Variants in SNED1 observed in about 807,000 individuals in gnomAD.
SNED1 encodes sushi, nidogen and EGF like domains 1, also known as sushi, nidogen and EGF-like domain-containing protein 1.
In SNED1, 81 loss-of-function variants were observed where a neutral mutation model predicts 166.7. That is an observed-to-expected ratio of 0.49 (90% CI 0.41 to 0.58). SNED1 has a LOEUF of 0.58. Among genes scored for constraint, SNED1 ranks in the 20% least tolerant of loss-of-function variants. The pLI is 0.00. For synonymous variants in SNED1, 762 were observed against 822.0 expected, an observed-to-expected ratio of 0.93 and a Z score of 1.25; for missense variants, 1,604 against 2,000.2, an observed-to-expected ratio of 0.80 and a Z score of 3.78.
chr2:241,049,874 A>T lies in SNED1; in HGVS notation c.1676A>T (p.His559Leu). Reference protein sequence around the residue: ...PCFNGGSCDAHDDSYTCECPR... With the variant: ...PCFNGGSCDALDDSYTCECPR... ...TTCAACGGAGGCTCCTGCGATGCCC[A>T]TGACGACTCCTACACCTGCGAGTGC... Residue 559 changes from histidine to leucine, a missense_variant, in exon 12 of 32, where the codon CAT becomes CTT. Around this residue, in one of 2 missense-constraint regions of SNED1, gnomAD observed 1,237 missense variants for 1,620.8 expected, o/e 0.76. Coordinates refer to ENST00000310397, the MANE Select transcript of SNED1 (RefSeq NM_001080437.3). 1 of 1,613,846 alleles carries T rather than the reference A, an allele frequency of 6.2e-7. No homozygotes were observed. Among genetic ancestry groups the T allele is most frequent in the Non-Finnish European group, 8.5e-7 (1 of 1,179,778 alleles).
At chr2:241,071,414 TG>T in intron 24 of SNED1, 161 bp from the exon 25 acceptor site, 1 of 758,188 alleles carries the variant, frequency 1.3e-6, no homozygotes, top group Non-Finnish European at 2.1e-6. Context: ...CCAGGGCATC[TG>T]GGGAAGCCAC....
At chr2:241,087,739 G>A in intron 30 of SNED1, 1 of 1,290,088 alleles carries the variant, frequency 7.8e-7, no homozygotes, top group Non-Finnish European at 9.9e-7. Context: ...CACAGAACAT[G>A]GTGCTACAAT....
chr2:241,011,295 G>A (rs2060393441), intron 1 of SNED1, among the ~76,000 whole-genome samples: 2 of 151,454 alleles, frequency 1.3e-5, no homozygotes, highest in Admixed American at 6.6e-5. Context: ...GTTTCCTGGG[G>A]GTGGCAGGTC....
intron 11 of SNED1, among the ~76,000 whole-genome samples, chr2:241,049,546 T>C (rs1332365939): frequency 2.6e-5 from 4 of 152,220 alleles, no homozygotes; most frequent in Non-Finnish European, 4.4e-5. Context: ...CTGGCAGTGA[T>C]GACAGGAAGG....
Position 241,049,817 on chromosome 2 carries a change from C to A in SNED1, c.1619C>A (p.Ser540Tyr). The change falls in exon 12 of 32, where the codon TCC (serine) becomes TAC (tyrosine). Residue 540 changes from serine (S) to tyrosine (Y), a missense_variant and splice_region_variant. This residue lies in a region of SNED1 where 1,237 missense variants were observed against 1,620.8 expected (regional missense o/e 0.76). Transcript: ENST00000310397. ...VCHTDHNASH[S>Y]LPSPCDSDPC... ...ACCACCCTCTGTCCCCCGCCCCCAG[C>A]CCTGCCATCACCCTGCGACTCGGAC... 2 of 1,612,784 alleles carry A rather than the reference C, an allele frequency of 1.2e-6. No homozygotes were observed. Among genetic ancestry groups the A allele is most frequent in the Non-Finnish European group, 1.7e-6 (2 of 1,178,982 alleles).
chr2:241,052,345 A>G lies in SNED1; in HGVS notation c.1970-10A>G, dbSNP rs375947031. 407 of 1,566,622 alleles carry G rather than the reference A, an allele frequency of 2.6e-4. 3 individuals are homozygous for G. In the African/African-American group the frequency reaches 4.7e-3, roughly 18 times the overall value. On this transcript the variant is annotated splice_polypyrimidine_tract_variant and intron_variant, in intron 14 of 31. Transcript: ENST00000310397. ...GACACAGTGGCCAGGACCTTCCTGC[A>G]TTCTGGCAGCCCCCTCCCCCTGCTT...
At chr2:241,066,997 T>C (rs750291623) in intron 21 of SNED1, among the ~76,000 whole-genome samples, 8 of 152,134 alleles carry the variant, frequency 5.3e-5, no homozygotes, top group Non-Finnish European at 1.2e-4. Context: ...TGAGCAGGTG[T>C]CAGCAGGAGC....
chr2:241,047,868 T>C (rs57100607), intron 8 of SNED1, among the ~76,000 whole-genome samples: 1 of 151,602 alleles, frequency 6.6e-6, no homozygotes, highest in Non-Finnish European at 1.5e-5. Context: ...GTGGCTTCTC[T>C]GGTGCTTCTT....
intron 6 of SNED1, 61 bp downstream of exon 6, chr2:241,037,414 G>T: frequency 8.8e-7 from 1 of 1,139,838 alleles, no homozygotes; most frequent in Admixed American, 2.0e-5. Flanking sequence ...GGGAGACACA[G>T]CTGGACAAGG....
At chr2:241,079,153 C>T (rs1575102691) in intron 27 of SNED1, among the ~76,000 whole-genome samples, 1 of 145,936 alleles carries the variant, frequency 6.9e-6, no homozygotes, top group East Asian at 2.0e-4. Context: ...TGGCTCACAT[C>T]TGTAATCCCA....
chr2:241,056,580 A>ATTTTTTTTTTTTTTTT (rs1172411061), intron 16 of SNED1, among the ~76,000 whole-genome samples: 10 of 111,222 alleles, frequency 9.0e-5, no homozygotes, highest in South Asian at 3.1e-4. Flanking sequence ...AATAAGTGAA[A>ATTTTTTTTTTTTTTTT]TTTTTTTTTT....
intron 4 of SNED1, among the ~76,000 whole-genome samples, chr2:241,035,855 A>G (rs1574946753): frequency 1.3e-5 from 1 of 79,558 alleles, no homozygotes; most frequent in Non-Finnish European, 2.5e-5. Context: ...CAGGGTTGGG[A>G]GTGAGGGGTA....
intron 28 of SNED1, 34 bp from the exon 29 acceptor site, chr2:241,082,243 G>A: frequency 6.4e-7 from 1 of 1,550,768 alleles, no homozygotes; most frequent in East Asian, 2.3e-5. Context: ...GCCGTCAGGA[G>A]CACCTGGTGA....
In SNED1 at chr2:241,030,467, G is replaced by A. The variant is rs747182671; in HGVS notation, c.397G>A (p.Asp133Asn). Residue 133 changes from aspartate (D) to asparagine (N), a missense_variant, in exon 2 of 32, where the codon GAC (aspartate) becomes AAC (asparagine). By Grantham distance (23) the Asp-to-Asn change is conservative (BLOSUM62 1). Coordinates refer to ENST00000310397, the MANE Select transcript of SNED1 (RefSeq NM_001080437.3). ...AGCCATGCTGCGCCGAGCCACGGAG[G>A]ACGTCAGGCACTACTTCCCCGAGCT... ...DPAMLRRATEDVRHYFPELLD... is the reference protein window; with the variant it reads ...DPAMLRRATENVRHYFPELLD... The A allele has an allele frequency of 8.7e-6, 14 of 1,613,912 alleles. No homozygotes were observed. In the South Asian group the frequency reaches 1.4e-4, roughly 16 times the overall value.
intron 21 of SNED1, among the ~76,000 whole-genome samples, chr2:241,067,409 G>A (rs1371580516): frequency 1.3e-5 from 2 of 152,220 alleles, no homozygotes; most frequent in Non-Finnish European, 2.9e-5. Context: ...TAGTCAACTG[G>A]CACAGAAAAG....
rs1286506770 is a variant in SNED1 at position 241,089,009 on chromosome 2, C to T, written c.*1+607C>T. On this transcript the variant is annotated intron_variant, in intron 31 of 31. Coordinates refer to ENST00000310397, the MANE Select transcript of SNED1 (RefSeq NM_001080437.3). ...TCCTGACGTGAAAGGAACTTCCTCT[C>T]GCCTTTGTTTAAGCCAGCATTTCCC... The T allele has an allele frequency of 4.5e-5, 14 of 313,540 alleles. No homozygotes were observed. The South Asian group carries it at 8.6e-4, about 19-fold the overall frequency. The allele number at this position is 313,540 out of a possible 1,614,324, so 19.4% of individuals were successfully genotyped here.
intron 16 of SNED1, among the ~76,000 whole-genome samples, chr2:241,060,098 A>G (rs2125159391): frequency 6.6e-6 from 1 of 152,350 alleles, no homozygotes; most frequent in Middle Eastern, 3.4e-3. Flanking sequence ...TTGAAATGAA[A>G]GTGTTACATT....
intron 1 of SNED1, among the ~76,000 whole-genome samples, chr2:241,023,584 G>C (rs773993195): frequency 6.6e-6 from 1 of 152,076 alleles, no homozygotes; most frequent in African/African-American, 2.4e-5. Context: ...TCTGTGCCTG[G>C]TCTTTTACTA....
At position 241,073,044 on chromosome 2, in the gene SNED1, A is replaced by G. The variant is rs2062812963; in HGVS notation, c.3818-222A>G. 3.7e-6 allele frequency: 2 copies of G among 537,096 alleles called. No homozygotes were observed. The highest frequency in any genetic ancestry group is 6.6e-6 in the Non-Finnish European group (2 of 301,818). 33.3% of individuals were successfully genotyped at this position (537,096 alleles called of 1,614,324 possible). The stretch of plus-strand genomic sequence containing the variant: ...GAAGCAGCTCTGAGGGGGCCCTGCA[A>G]GGGGAAGGCCGAGCCCCTCCAGAGG... On this transcript the variant is annotated intron_variant, in intron 26 of 31. Coordinates refer to ENST00000310397, the MANE Select transcript of SNED1 (RefSeq NM_001080437.3). The surrounding 1 kb of genome is among the most constrained non-coding windows in gnomAD (Gnocchi z 6.6).
Sources: gnomAD v4.1 joint callset for allele counts (sites outside exome capture counted in the v4.1 genomes callset) on GRCh38, gnomAD v4.1.1 for gene constraint, gnomAD v4.1.1 regional missense constraint, Gnocchi (gnomAD v3.1) non-coding constraint, MANE v1.5 for transcripts, NCBI Gene and HGNC (gene_info 2026-07-23, HGNC 2026-07-21) for gene names.